The following LPIN1 variants were observed in gnomAD, a reference collection of about 807,000 sequenced individuals.
LPIN1 encodes lipin 1, also known as phosphatidate phosphatase LPIN1.
Under a neutral mutation model 107.5 loss-of-function variants are expected in LPIN1, and 71 were observed. The ratio of observed to expected loss-of-function variants is 0.66; its 90% confidence interval spans 0.55 to 0.80. The LOEUF is 0.80. Ranked by LOEUF, LPIN1 falls within the 30% of genes least tolerant of loss-of-function variation. LPIN1 has a pLI of 0.00. For missense variants in LPIN1, 1,043 were observed against 1,160.6 expected, an observed-to-expected ratio of 0.90 and a Z score of 1.47; for synonymous variants, 445 against 452.6, an observed-to-expected ratio of 0.98 and a Z score of 0.21.
chr2:11,818,527 A>G (rs572919569), intron 18 of LPIN1: 4 of 151,718 alleles, frequency 2.6e-5, no homozygotes, highest in Non-Finnish European at 4.4e-5. Context: ...TTTTTGGTAC[A>G]TTGACTTGTT....
chr2:11,699,420 GT>G (rs1662751218), intron 1 of LPIN1, among the ~76,000 whole-genome samples: 1 of 152,194 alleles, frequency 6.6e-6, no homozygotes, highest in Non-Finnish European at 1.5e-5. Flanking sequence ...ATGTCAGCGG[GT>G]ATGGGTATGG....
intron 1 of LPIN1, among the ~76,000 whole-genome samples, chr2:11,698,186 C>T (rs778633190): frequency 1.3e-5 from 2 of 152,172 alleles, no homozygotes; most frequent in Non-Finnish European, 1.5e-5. Context: ...CATGGCAAGC[C>T]CTGACTCAGG....
chr2:11,706,165 CCAGT>C (rs1663118280), intron 1 of LPIN1, among the ~76,000 whole-genome samples: 1 of 152,156 alleles, frequency 6.6e-6, no homozygotes, highest in Non-Finnish European at 1.5e-5. Context: ...TGTAAATTGC[CCAGT>C]CTTGGGTATG....
In LPIN1 at chr2:11,696,046, CTTT is replaced by C. The variant is rs531347349; in HGVS notation, c.82-17692_82-17690del. 1.5e-4 allele frequency among the ~76,000 whole-genome samples: 19 copies of C among 126,058 alleles called. No individual in the cohort carries two copies. In the East Asian group the frequency reaches 3.8e-3, roughly 25 times the overall value. 82.7% of individuals were successfully genotyped at this position (126,058 alleles called of 152,430 possible). A position where few individuals can be genotyped will look rare whatever the true frequency, so the allele number is the denominator to read the frequency against. On this transcript the variant is annotated intron_variant, in intron 1 of 21. Coordinates refer to the LPIN1 transcript ENST00000449576. The stretch of plus-strand genomic sequence containing the variant: ...ATGGCTCTGACAGTTGCTGACTCTC[CTTT>C]TTTTTTTTTTTTTTTTTAATTTTAC...
chr2:11,732,390 G>C (rs1665322023), intron 1 of LPIN1, among the ~76,000 whole-genome samples: 1 of 152,234 alleles, frequency 6.6e-6, no homozygotes, highest in South Asian at 2.1e-4. Context: ...TTCTGGTTCA[G>C]AGCTATCTAC....
In LPIN1 at chr2:11,819,043, T is replaced by C. The variant is rs1027221372; in HGVS notation, c.2403-441T>C. 20 of 156,290 alleles carry C rather than the reference T, an allele frequency of 1.3e-4. No homozygotes were observed. The East Asian group carries it at 2.1e-3, about 16-fold the overall frequency. 9.7% of individuals were successfully genotyped at this position (156,290 alleles called of 1,614,324 possible). A position where few individuals can be genotyped will look rare whatever the true frequency, so the allele number is the denominator to read the frequency against. On this transcript the variant is annotated intron_variant, in intron 18 of 20. Coordinates refer to ENST00000674199, the MANE Select transcript of LPIN1 (RefSeq NM_001349206.2). Reference sequence around the variant, plus strand: ...CATTGCTACAATTTGTATACACACATACACACACACACACACACACACACA... The same window carrying C: ...CATTGCTACAATTTGTATACACACACACACACACACACACACACACACACA...
chr2:11,725,254 C>G (rs1664511624), intron 1 of LPIN1, among the ~76,000 whole-genome samples: 1 of 151,572 alleles, frequency 6.6e-6, no homozygotes, highest in African/African-American at 2.4e-5. Flanking sequence ...GAGCGAGACT[C>G]CGTCTCAAAA....
chr2:11,813,330 A>T (rs921654390), intron 17 of LPIN1, among the ~76,000 whole-genome samples: 2 of 152,212 alleles, frequency 1.3e-5, no homozygotes, highest in Admixed American at 1.3e-4. Flanking sequence ...TATCACTTAG[A>T]CATGTAATCA....
chr2:11,814,999 T>G (rs781070098), intron 17 of LPIN1, 89 bp from the exon 18 acceptor site: 12 of 1,270,786 alleles, frequency 9.4e-6, no homozygotes, highest in Non-Finnish European at 1.3e-5. Flanking sequence ...AGTGCCATTC[T>G]CCACAGAACA....
chr2:11,784,134 G>T (rs1034008103), intron 9 of LPIN1: 2 of 839,050 alleles, frequency 2.4e-6, no homozygotes, highest in Non-Finnish European at 1.7e-6. Context: ...GTGAATCCTC[G>T]TTCTACTGAA....
At chr2:11,783,115 C>T (rs1159920012) in intron 8 of LPIN1, among the ~76,000 whole-genome samples, 1 of 152,170 alleles carries the variant, frequency 6.6e-6, no homozygotes, top group Non-Finnish European at 1.5e-5. Context: ...CAGGCCTGAT[C>T]TCCATCCACC....
At position 11,826,124 on chromosome 2, in the gene LPIN1, C is replaced by T. The variant is rs1034735740; in HGVS notation, c.*1333C>T. 2.0e-5 allele frequency: 3 copies of T among 152,536 alleles called. No homozygotes were observed. The highest frequency in any genetic ancestry group is 4.8e-5 in the African/African-American group (2 of 41,420). The allele number at this position is 152,536 out of a possible 1,614,324, so 9.4% of individuals were successfully genotyped here. A position where few individuals can be genotyped will look rare whatever the true frequency, so the allele number is the denominator to read the frequency against. ...TGGTAAAAGATTTTGCTTTACTTTT[C>T]GAAGCATTATTTTTTTAAAGAGTGT... On this transcript the variant is annotated 3_prime_UTR_variant, in exon 21 of 21. Transcript: ENST00000674199.
rs559774182 is a variant in LPIN1 at position 11,713,612 on chromosome 2, A to G, written c.82-144A>G. The G allele has an allele frequency of 2.0e-5, 11 of 556,532 alleles. No homozygotes were observed. In the Admixed American group the frequency reaches 3.5e-4, roughly 18 times the overall value. 34.5% of individuals were successfully genotyped at this position (556,532 alleles called of 1,614,324 possible). A position where few individuals can be genotyped will look rare whatever the true frequency, so the allele number is the denominator to read the frequency against. ...AATTTAGTTTTTTTTTAATTGGCAT[A>G]TAGCCTACATACCACCGAATTCACC... On this transcript the variant is annotated intron_variant, in intron 1 of 21. Coordinates refer to the LPIN1 transcript ENST00000449576.
chr2:11,798,145 A>G (rs1178236289), intron 14 of LPIN1, among the ~76,000 whole-genome samples: 1 of 152,180 alleles, frequency 6.6e-6, no homozygotes, highest in Admixed American at 6.5e-5. Context: ...CCATGATTGT[A>G]AGTTTCCTGA....
At chr2:11,724,398 A>C in exon 1 of LPIN1, 1 of 986,374 alleles carries the variant, frequency 1.0e-6, no homozygotes, top group South Asian at 4.7e-5. Flanking sequence ...AGGCAGCCTG[A>C]GGGAAGGAAC....
At chr2:11,796,214 G>A (rs772116179) in intron 14 of LPIN1, among the ~76,000 whole-genome samples, 2 of 152,148 alleles carry the variant, frequency 1.3e-5, no homozygotes, top group African/African-American at 2.4e-5. Flanking sequence ...AGATTAATTG[G>A]GGCCAGATCC....
chr2:11,815,792 C>G (rs1305925857), intron 18 of LPIN1, among the ~76,000 whole-genome samples: 1 of 152,140 alleles, frequency 6.6e-6, no homozygotes, highest in African/African-American at 2.4e-5. Flanking sequence ...GGTCCTCTAA[C>G]AGACCACTGG....
intron 2 of LPIN1, among the ~76,000 whole-genome samples, chr2:11,719,037 A>T (rs1055521787): frequency 1.3e-5 from 2 of 152,146 alleles, no homozygotes; most frequent in African/African-American, 2.4e-5. Context: ...CATAATCCAA[A>T]TTGTTTACTT....
chr2:11,690,919 A>G (rs574413728), intron 1 of LPIN1, among the ~76,000 whole-genome samples: 3 of 152,006 alleles, frequency 2.0e-5, no homozygotes, highest in Non-Finnish European at 4.4e-5. Flanking sequence ...TTCTCATTTA[A>G]CAGTCATTAT....
Sources: allele counts gnomAD v4.1 joint callset (sites outside exome capture counted in the v4.1 genomes callset), GRCh38; gene constraint gnomAD v4.1.1; transcripts MANE v1.5; gene names NCBI Gene and HGNC (gene_info 2026-07-23, HGNC 2026-07-21).